The following ITGAL variants were observed in gnomAD, a reference collection of about 807,000 sequenced individuals.
The protein encoded by ITGAL is integrin alpha-L.
A neutral mutation model predicts 138.4 loss-of-function variants in ITGAL; 68 were observed. The observed-to-expected ratio is 0.49, with a 90% CI of 0.40 to 0.60. The LOEUF is 0.60. Among genes scored for constraint, ITGAL ranks in the 20% least tolerant of loss-of-function variants. ITGAL has a pLI of 0.00. For missense variants in ITGAL, 1,256 were observed against 1,478.6 expected, an observed-to-expected ratio of 0.85 and a Z score of 2.47; for synonymous variants, 561 against 584.3, an observed-to-expected ratio of 0.96 and a Z score of 0.57.
intron 24 of ITGAL, 89 bp downstream of exon 24, chr16:30,511,225 C>A: frequency 1.0e-6 from 1 of 966,854 alleles, no homozygotes; most frequent in Non-Finnish European, 1.7e-6. Flanking sequence ...GGCTCTCCTT[C>A]TGAACCTCCT....
Position 30,494,305 on chromosome 16 carries a change from T to A in ITGAL, c.1307T>A (p.Phe436Tyr), listed in dbSNP as rs1597082115. 1 of 1,613,468 alleles carries A rather than the reference T, an allele frequency of 6.2e-7. No individual in the cohort carries two copies. Among genetic ancestry groups the A allele is most frequent in the East Asian group, 2.2e-5 (1 of 44,880 alleles). The stretch of plus-strand genomic sequence containing the variant: ...CAGCACATGGGCCGAGTGCTGCTGT[T>A]CCAAGAGCCACAGGGCGGAGGACAC... ...RYQHMGRVLL[F>Y]QEPQGGGHWS... Residue 436 changes from phenylalanine to tyrosine, a missense_variant, in exon 12 of 31, where the codon TTC becomes TAC. Phe to Tyr is a conservative substitution (Grantham distance 22). Transcript: ENST00000356798. This position sits in a 1 kb window ranked among gnomAD's most constrained non-coding sequence, Gnocchi z 4.2.
At position 30,506,873 on chromosome 16, in the gene ITGAL, C is replaced by T; in HGVS notation, c.2508+17C>T. 1 of 1,612,836 alleles carries T rather than the reference C, an allele frequency of 6.2e-7. No homozygotes were observed. Among genetic ancestry groups the T allele is most frequent in the African/African-American group, 1.3e-5 (1 of 75,008 alleles). ...ATGCTGAAGGTGGGTGAGAGGACAGCGCCTGCCTGCGGGCATCTGTTCGGC... is the reference window on the plus strand; with the variant it reads ...ATGCTGAAGGTGGGTGAGAGGACAGTGCCTGCCTGCGGGCATCTGTTCGGC... On this transcript the variant is annotated intron_variant, in intron 21 of 30. Transcript: ENST00000356798.
chr16:30,481,196 A>C, intron 6 of ITGAL: 2 of 428,272 alleles, frequency 4.7e-6, no homozygotes, highest in Non-Finnish European at 8.5e-6. Flanking sequence ...CACACACACA[A>C]ATATTCGGGT....
At position 30,494,239 on chromosome 16, in the gene ITGAL, G is replaced by C. The variant is rs201731849; in HGVS notation, c.1241G>C (p.Arg414Pro). The C allele has an allele frequency of 1.9e-6, 3 of 1,611,238 alleles. No individual in the cohort carries two copies. The highest frequency in any genetic ancestry group is 2.5e-6 in the Non-Finnish European group (3 of 1,178,086). ...TACACCGTGACCTGGCTGCCCTCCC[G>C]GCAAAAGACTTCGTTGCTGGCCTCG... ...LGYTVTWLPS[R>P]QKTSLLASGA... Residue 414 changes from arginine (R) to proline (P), a missense_variant, in exon 12 of 31, where the codon CGG becomes CCG. Arg to Pro is a moderately radical substitution (Grantham distance 103). Coordinates refer to ENST00000356798, the MANE Select transcript of ITGAL (RefSeq NM_002209.3). The surrounding 1 kb of genome is among the most constrained non-coding windows in gnomAD (Gnocchi z 4.2).
chr16:30,484,317 T>C (rs2050606743), intron 9 of ITGAL, 54 bp downstream of exon 9: 1 of 1,565,204 alleles, frequency 6.4e-7, no homozygotes. Context: ...GAAATTCCCC[T>C]GGGACATCAG....
rs778535553 is a variant in ITGAL, at chr16:30,496,300, G to A, written c.1701+6G>A. The A allele has an allele frequency of 2.1e-5, 33 of 1,599,952 alleles. No individual in the cohort carries two copies. Among genetic ancestry groups the A allele is most frequent in the Middle Eastern group, 1.7e-4 (1 of 6,006 alleles). On this transcript the variant is annotated splice_donor_region_variant and intron_variant, in intron 14 of 30. Coordinates refer to ENST00000356798, the MANE Select transcript of ITGAL (RefSeq NM_002209.3). Reference sequence around the variant, plus strand: ...TTAGTCCCCAGCCAAGTCAGGTGACGTATGCTGCCTGCCAATCACACTCCA... The same window carrying A: ...TTAGTCCCCAGCCAAGTCAGGTGACATATGCTGCCTGCCAATCACACTCCA...
At chr16:30,481,086 G>A (rs1008285893) in intron 6 of ITGAL, 18 of 246,476 alleles carry the variant, frequency 7.3e-5, no homozygotes, top group Non-Finnish European at 1.3e-4. Context: ...TGGATCACCT[G>A]AGGTGAGGAG....
intron 15 of ITGAL, among the ~76,000 whole-genome samples, chr16:30,497,483 T>C (rs1360459582): frequency 9.2e-5 from 14 of 151,802 alleles, no homozygotes; most frequent in Admixed American, 9.2e-4. Flanking sequence ...CTGTACTTTT[T>C]TTTTTTCTTT....
chr16:30,515,970 T>TAA (rs35691718), intron 25 of ITGAL, among the ~76,000 whole-genome samples: 2 of 134,224 alleles, frequency 1.5e-5, no homozygotes, highest in Non-Finnish European at 1.6e-5. Flanking sequence ...ATATTCTGTC[T>TAA]AAAAAAAAAA....
At position 30,483,938 on chromosome 16, in the gene ITGAL, C is replaced by T. The variant is rs2151147161; in HGVS notation, c.834C>T (p.Asp278=). 4 of 1,613,738 alleles carry T rather than the reference C, an allele frequency of 2.5e-6. No individual in the cohort carries two copies. The highest frequency in any genetic ancestry group is 2.5e-6 in the Non-Finnish European group (3 of 1,179,700). The change falls in exon 8 of 31, where the codon GAC becomes GAT. Residue 278 remains aspartate (D), a synonymous_variant. Coordinates refer to ENST00000356798, the MANE Select transcript of ITGAL (RefSeq NM_002209.3). ...GTGGCAACATCGATGCGGCCAAAGA[C>T]ATCATCCGCTACATCATCGGGGTAG... The part of the protein sequence containing the change: ...TDSGNIDAAK[D]IIRYIIGIGK...
intron 13 of ITGAL, among the ~76,000 whole-genome samples, chr16:30,495,088 G>A (rs932010436): frequency 6.6e-6 from 1 of 152,132 alleles, no homozygotes; most frequent in African/African-American, 2.4e-5. Flanking sequence ...GCAGTGGCAC[G>A]ATCTCGGCTC....
chr16:30,518,871 C>G (rs35353486), intron 29 of ITGAL, 152 bp downstream of exon 29: 2 of 647,098 alleles, frequency 3.1e-6, no homozygotes, highest in African/African-American at 3.7e-5. Flanking sequence ...CTTCTTCTCC[C>G]CTTGGTGGGC....
chr16:30,476,504 C>A (rs1470122751), intron 4 of ITGAL, among the ~76,000 whole-genome samples: 2 of 151,896 alleles, frequency 1.3e-5, no homozygotes, highest in Admixed American at 6.6e-5. Flanking sequence ...TAATTTCTTA[C>A]ATCATATTGC....
chr16:30,513,984 A>G, intron 25 of ITGAL, 138 bp downstream of exon 25: 2 of 673,016 alleles, frequency 3.0e-6, no homozygotes, highest in African/African-American at 1.8e-5. Context: ...CTAGAGTGTC[A>G]CAGCCTCCAC....
rs1317218917 is a variant in ITGAL at position 30,522,518 on chromosome 16, ATC to A, written c.*858_*859del. The A allele has an allele frequency of 2.6e-5, 4 of 152,214 alleles. No individual in the cohort carries two copies. The highest frequency in any genetic ancestry group is 5.9e-5 in the Non-Finnish European group (4 of 68,068). 9.4% of individuals were successfully genotyped at this position (152,214 alleles called of 1,614,324 possible). A position where few individuals can be genotyped will look rare whatever the true frequency, so the allele number is the denominator to read the frequency against. On this transcript the variant is annotated 3_prime_UTR_variant, in exon 31 of 31. Transcript: ENST00000356798. This position sits in a 1 kb window ranked among gnomAD's most constrained non-coding sequence, Gnocchi z 4.0. ...TTAATGATTGACGTACTTAGCAGCT[ATC>A]TCTCAGTGAACTGTGAGGGTAAAGG...
chr16:30,499,709 A>ATGTG (rs1269037606), intron 17 of ITGAL, among the ~76,000 whole-genome samples: 16 of 88,512 alleles, frequency 1.8e-4, no homozygotes, highest in Non-Finnish European at 2.5e-4. Context: ...GTATATATAT[A>ATGTG]TATGTATATA....
chr16:30,483,859 G>A lies in ITGAL; in HGVS notation c.755G>A (p.Arg252Gln), dbSNP rs370478656. Reference protein sequence around the residue: ...TEVFREELGARPDATKVLIII... With the variant: ...TEVFREELGAQPDATKVLIII... The stretch of plus-strand genomic sequence containing the variant: ...GTGTTCCGGGAGGAGCTGGGGGCCC[G>A]GCCAGATGCCACCAAAGTGCTTATC... Residue 252 changes from arginine to glutamine, a missense_variant, in exon 8 of 31, where the codon CGG becomes CAG. By Grantham distance (43) the Arg-to-Gln change is conservative (BLOSUM62 1). Transcript: ENST00000356798. 1.1e-5 allele frequency: 17 copies of A among 1,613,868 alleles called. No individual in the cohort carries two copies. In the African/African-American group the frequency reaches 1.3e-4, roughly 13 times the overall value.
At chr16:30,502,237 AAT>A (rs1044080948) in intron 17 of ITGAL, among the ~76,000 whole-genome samples, 1 of 151,226 alleles carries the variant, frequency 6.6e-6, no homozygotes, top group African/African-American at 2.4e-5. Context: ...CTCTACTAAA[AAT>A]ACAAAAAATT....
In ITGAL at chr16:30,503,143, G is replaced by A. The variant is rs571977695; in HGVS notation, c.2146-1032G>A. On this transcript the variant is annotated intron_variant, in intron 17 of 30. Coordinates refer to ENST00000356798, the MANE Select transcript of ITGAL (RefSeq NM_002209.3). ...TTTAAACTTTTTATTATGAGAATAT[G>A]AATCACACAAAACTAGAAAAAAAAT... is the stretch of plus-strand genomic sequence containing the variant. Among the ~76,000 whole-genome samples the A allele has an allele frequency of 8.7e-4, 132 of 152,068 alleles. 1 individual carries two copies. The highest frequency in any genetic ancestry group is 3.4e-3 in the Middle Eastern group (1 of 294).
Sources: gnomAD v4.1 joint callset for allele counts (sites outside exome capture counted in the v4.1 genomes callset) on GRCh38, gnomAD v4.1.1 for gene constraint, Gnocchi (gnomAD v3.1) non-coding constraint, MANE v1.5 for transcripts, NCBI Gene and HGNC (gene_info 2026-07-23, HGNC 2026-07-21) for gene names.